Variants in ELP3 observed in about 807,000 individuals in gnomAD.
ELP3 encodes the protein elongator complex protein 3.
A neutral mutation model predicts 74.9 loss-of-function variants in ELP3; 56 were observed. That is an observed-to-expected ratio of 0.75 (90% CI 0.60 to 0.93). The LOEUF (loss-of-function observed/expected upper bound fraction) is 0.93. Ranked by LOEUF, ELP3 falls within the 40% of genes least tolerant of loss-of-function variation. The pLI, the probability that ELP3 is intolerant of heterozygous loss-of-function variation, is 0.00. For missense variants in ELP3, 573 were observed against 686.5 expected, an observed-to-expected ratio of 0.83 and a Z score of 1.85; for synonymous variants, 222 against 239.8, an observed-to-expected ratio of 0.93 and a Z score of 0.68.
At chr8:28,106,062 C>T (rs1585641570) in intron 3 of ELP3, among the ~76,000 whole-genome samples, 1 of 152,150 alleles carries the variant, frequency 6.6e-6, no homozygotes, top group Admixed American at 6.5e-5. Context: ...TTCTTACAGG[C>T]TGTTTACTAA....
chr8:28,141,983 C>T (rs771071010), intron 10 of ELP3, among the ~76,000 whole-genome samples: 2 of 152,178 alleles, frequency 1.3e-5, no homozygotes, highest in East Asian at 1.9e-4. Context: ...CCTTCGTTTT[C>T]GGCTTAAATT....
rs899322225 is a variant in ELP3 at position 28,162,016 on chromosome 8, T to C, written c.1505T>C (p.Met502Thr). The C allele has an allele frequency of 4.0e-5, 64 of 1,614,036 alleles. No individual in the cohort carries two copies. The highest frequency in any genetic ancestry group is 5.4e-5 in the Non-Finnish European group (64 of 1,180,000). Residue 502 changes from methionine (M) to threonine (T), a missense_variant, in exon 14 of 15, where the codon ATG becomes ACG. Physicochemically the swap from Met to Thr is moderately conservative, Grantham distance 81. Transcript: ENST00000256398. ...FQHQGFGMLL[M>T]EEAERIAREE... is the part of the protein sequence containing the mutation. ...GTGCAGGGATTTGGCATGCTGCTGA[T>C]GGAGGAAGCAGAAAGAATAGCTAGA...
intron 14 of ELP3, among the ~76,000 whole-genome samples, chr8:28,166,004 A>G (rs577553390): frequency 6.6e-6 from 1 of 152,158 alleles, no homozygotes; most frequent in Non-Finnish European, 1.5e-5. Flanking sequence ...CTTTAGGTTT[A>G]TTCTGTTTTT....
chr8:28,093,459 G>C (rs1263750193), intron 1 of ELP3: 12 of 605,828 alleles, frequency 2.0e-5, no homozygotes, highest in Admixed American at 3.1e-5. Flanking sequence ...CAGTCACGTG[G>C]TGTCTTGTTT....
chr8:28,183,709 G>A (rs1315166831), intron 14 of ELP3, among the ~76,000 whole-genome samples: 5 of 152,136 alleles, frequency 3.3e-5, no homozygotes, highest in African/African-American at 1.2e-4. Flanking sequence ...CAAAGCCTGC[G>A]TTTGGACTCT....
In ELP3 at chr8:28,160,264, T is replaced by G; in HGVS notation, c.1293T>G (p.Gly431=). Residue 431 remains glycine, a synonymous_variant, in exon 13 of 15, where the codon GGT becomes GGG. Transcript: ENST00000256398. ...TAAGGAGAGATTATGTTGCAAATGGTGGCTGGGAAACATTCTTGTCATACG... is the reference window on the plus strand; with the variant it reads ...TAAGGAGAGATTATGTTGCAAATGGGGGCTGGGAAACATTCTTGTCATACG... ...ELVRRDYVAN[G]GWETFLSYED... 6.2e-7 allele frequency: 1 copy of G among 1,614,184 alleles called. No individual in the cohort carries two copies. Among genetic ancestry groups the G allele is most frequent in the Non-Finnish European group, 8.5e-7 (1 of 1,180,024 alleles).
chr8:28,176,223 G>A (rs1291265261), intron 14 of ELP3, among the ~76,000 whole-genome samples: 1 of 152,126 alleles, frequency 6.6e-6, no homozygotes, highest in East Asian at 1.9e-4. Flanking sequence ...CCTGTGACCT[G>A]AGAGGGATTT....
At chr8:28,102,395 T>C (rs1811524568) in intron 3 of ELP3, among the ~76,000 whole-genome samples, 1 of 152,262 alleles carries the variant, frequency 6.6e-6, no homozygotes, top group Admixed American at 6.5e-5. Flanking sequence ...AAGAATGCTT[T>C]GGCCTTTATT....
rs919012952 is a variant in ELP3 at position 28,190,416 on chromosome 8, C to T, written c.*691C>T. On this transcript the variant is annotated 3_prime_UTR_variant, in exon 15 of 15. Transcript: ENST00000256398. ...CATTCCACATTCTTTGTTATCTCTA[C>T]TTCCCACCCTCTTGGCAACTACAGA... 1 of 152,258 alleles carries T rather than the reference C, an allele frequency of 6.6e-6. No individual in the cohort carries two copies. The highest frequency in any genetic ancestry group is 1.5e-5 in the Non-Finnish European group (1 of 68,102). 9.4% of individuals were successfully genotyped at this position (152,258 alleles called of 1,614,324 possible).
chr8:28,178,996 T>TA (rs1435378241), intron 14 of ELP3, among the ~76,000 whole-genome samples: 1 of 152,262 alleles, frequency 6.6e-6, no homozygotes, highest in Non-Finnish European at 1.5e-5. Flanking sequence ...GATTTACTGA[T>TA]AAAATTGACC....
At position 28,111,891 on chromosome 8, in the gene ELP3, A is replaced by C. The variant is rs74469190; in HGVS notation, c.463-1128A>C. ...AGGTCCTAGCAAGATATTTTTAAAAACTACCAGGGTAATTTTGATGAGTAT... is the reference window on the plus strand; with the variant it reads ...AGGTCCTAGCAAGATATTTTTAAAACCTACCAGGGTAATTTTGATGAGTAT... On this transcript the variant is annotated intron_variant, in intron 6 of 14. Coordinates refer to ENST00000256398, the MANE Select transcript of ELP3 (RefSeq NM_018091.6). 8.1e-3 allele frequency among the ~76,000 whole-genome samples: 1,238 copies of C among 152,276 alleles called. 23 individuals carry two copies. Among genetic ancestry groups the C allele is most frequent in the African/African-American group, 0.026 (1,091 of 41,548 alleles).
At chr8:28,129,999 A>C (rs1563263227) in intron 8 of ELP3, among the ~76,000 whole-genome samples, 1 of 152,208 alleles carries the variant, frequency 6.6e-6, no homozygotes, top group Non-Finnish European at 1.5e-5. Flanking sequence ...CAAAGAAAAG[A>C]GTTTGAATAA....
intron 14 of ELP3, among the ~76,000 whole-genome samples, chr8:28,167,883 C>T (rs1467125150): frequency 6.6e-6 from 1 of 152,122 alleles, no homozygotes; most frequent in East Asian, 1.9e-4. Context: ...TTCTTAAAGA[C>T]AATGGATACA....
rs532061113 is a variant in ELP3 at position 28,182,604 on chromosome 8, AC to A, written c.1568-7038del. On this transcript the variant is annotated intron_variant, in intron 14 of 14. Coordinates refer to ENST00000256398, the MANE Select transcript of ELP3 (RefSeq NM_018091.6). ...CCACATCTGGGTTTGTTCTCCACCC[AC>A]CCCCCCTTTTTTTTGGCCTTTGGTT... 5.8e-3 allele frequency among the ~76,000 whole-genome samples: 880 copies of A among 151,068 alleles called. 11 individuals carry two copies. Among genetic ancestry groups the A allele is most frequent in the African/African-American group, 0.02 (820 of 41,160 alleles).
intron 7 of ELP3, among the ~76,000 whole-genome samples, chr8:28,115,253 G>T (rs1812082229): frequency 6.6e-6 from 1 of 152,244 alleles, no homozygotes; most frequent in Non-Finnish European, 1.5e-5. Context: ...CGAAACTGGG[G>T]ATTATCAGCT....
chr8:28,132,481 A>G (rs1386041246), intron 9 of ELP3, 77 bp downstream of exon 9: 28 of 1,580,486 alleles, frequency 1.8e-5, no homozygotes, highest in Non-Finnish European at 2.3e-5. Context: ...TTGCTTGTTC[A>G]CTGTTGATGT....
At chr8:28,119,994 CCTT>C (rs1390319086) in intron 7 of ELP3, among the ~76,000 whole-genome samples, 1 of 152,122 alleles carries the variant, frequency 6.6e-6, no homozygotes, top group Non-Finnish European at 1.5e-5. Context: ...TGTTTACCAT[CCTT>C]CTATTGATAG....
chr8:28,139,611 A>G (rs932980486), intron 10 of ELP3, among the ~76,000 whole-genome samples: 2 of 152,166 alleles, frequency 1.3e-5, no homozygotes, highest in Non-Finnish European at 2.9e-5. Flanking sequence ...AATACAGTAT[A>G]ACAACTAGTT....
rs919003287 is a variant in ELP3, at chr8:28,146,050, A to G, written c.1100+8159A>G. Among the ~76,000 whole-genome samples, 4 of 152,120 alleles carry G rather than the reference A, an allele frequency of 2.6e-5. No individual in the cohort carries two copies. The East Asian group carries it at 7.7e-4, about 29-fold the overall frequency. On this transcript the variant is annotated intron_variant, in intron 10 of 14. Transcript: ENST00000256398. ...ACTGATAGATTACTTGATGTTTTTAATTGGTTATTTTCCCCACCCTGCCCT... is the reference window on the plus strand; with the variant it reads ...ACTGATAGATTACTTGATGTTTTTAGTTGGTTATTTTCCCCACCCTGCCCT...
Sources: allele counts gnomAD v4.1 joint callset (sites outside exome capture counted in the v4.1 genomes callset), GRCh38; gene constraint gnomAD v4.1.1; transcripts MANE v1.5; gene names NCBI Gene and HGNC (gene_info 2026-07-23, HGNC 2026-07-21).